Variants in ARHGAP6 observed in about 807,000 individuals in gnomAD.
ARHGAP6 encodes the protein rho GTPase-activating protein 6.
In ARHGAP6, 16 loss-of-function variants were observed where a neutral mutation model predicts 55.7. That is an observed-to-expected ratio of 0.29 (90% CI 0.19 to 0.44). ARHGAP6 has a LOEUF of 0.44. Ranked by LOEUF, ARHGAP6 falls within the 20% of genes least tolerant of loss-of-function variation. The pLI, the probability that ARHGAP6 is intolerant of heterozygous loss-of-function variation, is 1.00. For synonymous variants in ARHGAP6, 382 were observed against 360.9 expected (o/e 1.06, Z -0.66); for missense variants, 698 against 808.9 (o/e 0.86, Z 1.66).
At chrX:11,388,943 C>T (rs1173878683) in intron 1 of ARHGAP6, among the ~76,000 whole-genome samples, 4 of 112,050 alleles carry the variant, frequency 3.6e-5, no homozygotes, top group Non-Finnish European at 5.6e-5. Context: ...GCTAGCAACA[C>T]GGAGATAAGA....
chrX:11,235,811 A>G (rs1187574178), intron 2 of ARHGAP6, among the ~76,000 whole-genome samples: 1 of 111,144 alleles, frequency 9.0e-6, no homozygotes, highest in East Asian at 2.8e-4. Flanking sequence ...CCTCAGCCTA[A>G]CTTCACTGTC....
intron 1 of ARHGAP6, among the ~76,000 whole-genome samples, chrX:11,296,610 A>G (rs941900176): frequency 3.6e-5 from 4 of 112,010 alleles, no homozygotes; most frequent in African/African-American, 1.3e-4. Flanking sequence ...TGTTCAAACT[A>G]AAAACAGACC....
At chrX:11,524,495 C>T (rs1051207893) in intron 1 of ARHGAP6, among the ~76,000 whole-genome samples, 1 of 111,987 alleles carries the variant, frequency 8.9e-6, no homozygotes, top group African/African-American at 3.2e-5. Flanking sequence ...TTGAACTACC[C>T]TAGATTGTTA....
chrX:11,173,804 G>A (rs2046128447), intron 8 of ARHGAP6, among the ~76,000 whole-genome samples: 1 of 111,361 alleles, frequency 9.0e-6, no homozygotes, highest in Non-Finnish European at 1.9e-5. Context: ...TTTTGTAGAT[G>A]AGGAAGCTAA....
intron 1 of ARHGAP6, among the ~76,000 whole-genome samples, chrX:11,647,555 C>T (rs1027359245): frequency 1.8e-5 from 2 of 111,799 alleles, no homozygotes; most frequent in African/African-American, 6.5e-5. Context: ...GCTGAAGGGC[C>T]AATGAAGTCA....
intron 1 of ARHGAP6, among the ~76,000 whole-genome samples, chrX:11,456,763 A>G (rs2050197601): frequency 8.9e-6 from 1 of 112,755 alleles, no homozygotes; most frequent in Non-Finnish European, 1.9e-5. Flanking sequence ...AATTCAGAAA[A>G]GAATAATTAC....
chrX:11,408,869 T>C (rs2049643375), intron 1 of ARHGAP6, among the ~76,000 whole-genome samples: 1 of 109,830 alleles, frequency 9.1e-6, no homozygotes, highest in African/African-American at 3.3e-5. Context: ...CATCTCTTTT[T>C]TCTAATTGAG....
intron 10 of ARHGAP6, 113 bp downstream of exon 10, chrX:11,156,416 A>G (rs1602744336): frequency 1.5e-6 from 1 of 673,417 alleles, no homozygotes; most frequent in South Asian, 3.3e-5. Context: ...AGAGTTGCCA[A>G]AATTCCACTT....
At chrX:11,609,054 C>T (rs185865643) in intron 1 of ARHGAP6, among the ~76,000 whole-genome samples, 1 of 111,717 alleles carries the variant, frequency 9.0e-6, no homozygotes, top group Non-Finnish European at 1.9e-5. Context: ...AGACAGAATG[C>T]CCCGCGACTA....
chrX:11,450,203 A>T (rs1217598074), intron 1 of ARHGAP6, among the ~76,000 whole-genome samples: 2 of 90,159 alleles, frequency 2.2e-5, no homozygotes, highest in African/African-American at 8.1e-5. Flanking sequence ...ACAAATAATA[A>T]GTGTGTGTGT....
intron 1 of ARHGAP6, among the ~76,000 whole-genome samples, chrX:11,496,455 T>C (rs997910710): frequency 2.7e-5 from 3 of 112,172 alleles, no homozygotes; most frequent in Non-Finnish European, 5.6e-5. Context: ...AAAAGCTGTG[T>C]GTTATCTTTA....
At chrX:11,221,902 G>T (rs1191465850) in intron 2 of ARHGAP6, among the ~76,000 whole-genome samples, 1 of 110,911 alleles carries the variant, frequency 9.0e-6, no homozygotes, top group Non-Finnish European at 1.9e-5. Context: ...CCACCCTTAA[G>T]TAGGCCCAGT....
intron 1 of ARHGAP6, among the ~76,000 whole-genome samples, chrX:11,393,372 A>AATG (rs1225027247): frequency 8.9e-6 from 1 of 111,768 alleles, no homozygotes; most frequent in Non-Finnish European, 1.9e-5. Context: ...TAATAATAAT[A>AATG]TAACTAACAT....
rs1017912753 is a variant in ARHGAP6 at position 11,224,747 on chromosome X, A to G, written c.749-27751T>C. On this transcript the variant is annotated intron_variant, in intron 2 of 12. Coordinates refer to ENST00000337414, the MANE Select transcript of ARHGAP6 (RefSeq NM_013427.3). ...CATGGGGGTGGGCATTGGGCAGTGA[A>G]AAGTGCTCCATCCATTGGGTGTTGG... Among the ~76,000 whole-genome samples, 7 of 110,524 alleles carry G rather than the reference A, an allele frequency of 6.3e-5. No individual in the cohort carries two copies. In the Admixed American group the frequency reaches 6.8e-4, roughly 11 times the overall value.
rs768341151 is a variant in ARHGAP6, at chrX:11,263,995, C to A, written c.589-9288G>T. Among the ~76,000 whole-genome samples the A allele has an allele frequency of 4.5e-5, 5 of 111,387 alleles. 1 individual carries two copies. The highest frequency in any genetic ancestry group is 3.8e-4 in the South Asian group (1 of 2,665). On this transcript the variant is annotated intron_variant, in intron 1 of 12. Coordinates refer to ENST00000337414, the MANE Select transcript of ARHGAP6 (RefSeq NM_013427.3). ...ACTCATTCATTGTTATTTTCTGTGG[C>A]AGCCTACAGGCCACAATTGCAGAGT...
In ARHGAP6 at chrX:11,664,262, GGGGTGCCCGC is replaced by G; in HGVS notation, c.557_566del (p.Arg186ProfsTer23). On this transcript the variant is annotated frameshift_variant, in exon 1 of 13. Coordinates refer to ENST00000337414, the MANE Select transcript of ARHGAP6 (RefSeq NM_013427.3). LOFTEE classifies it high-confidence loss of function. ...CTACCTCGGATTTCCACACGACGTA[GGGGTGCCCGC>G]GACTGTCGGGTGGGGACTGGAACTT... 1 of 1,210,069 alleles carries G rather than the reference GGGGTGCCCGC, an allele frequency of 8.3e-7. No individual in the cohort carries two copies. The highest frequency in any genetic ancestry group is 3.0e-5 in the East Asian group (1 of 33,855).
At chrX:11,287,273 A>G (rs1002606508) in intron 1 of ARHGAP6, among the ~76,000 whole-genome samples, 1 of 111,815 alleles carries the variant, frequency 8.9e-6, no homozygotes, top group African/African-American at 3.3e-5. Flanking sequence ...TTAAAGACTT[A>G]TCTATTTCCA....
intron 1 of ARHGAP6, among the ~76,000 whole-genome samples, chrX:11,482,063 T>A (rs2050461901): frequency 8.9e-6 from 1 of 112,368 alleles, no homozygotes; most frequent in Non-Finnish European, 1.9e-5. Flanking sequence ...CCGGTGGTTC[T>A]CCACCAGGAG....
chrX:11,310,644 C>T (rs1164242840), intron 1 of ARHGAP6, among the ~76,000 whole-genome samples: 1 of 111,929 alleles, frequency 8.9e-6, no homozygotes, highest in African/African-American at 3.3e-5. Flanking sequence ...TCCCCAATTA[C>T]ACCAGGCTCT....
Sources: allele counts gnomAD v4.1 joint callset (sites outside exome capture counted in the v4.1 genomes callset), GRCh38; gene constraint gnomAD v4.1.1; transcripts MANE v1.5; gene names NCBI Gene and HGNC (gene_info 2026-07-23, HGNC 2026-07-21).